GSG1L: variants seen among roughly 807,000 people sequenced by gnomAD.
GSG1L encodes the protein GSG1 like.
Under a neutral mutation model 42.1 loss-of-function variants are expected in GSG1L, and 24 were observed. The ratio of observed to expected loss-of-function variants is 0.57; its 90% CI spans 0.41 to 0.80. GSG1L has a LOEUF of 0.80. Ranked by LOEUF, GSG1L falls within the 30% of genes least tolerant of loss-of-function variation. GSG1L has a pLI of 0.00. For missense variants in GSG1L, 445 were observed against 472.2 expected, an observed-to-expected ratio of 0.94 and a Z score of 0.53; for synonymous variants, 215 against 203.5, an observed-to-expected ratio of 1.06 and a Z score of -0.48.
chr16:27,894,215 C>T (rs1216019478), intron 2 of GSG1L, among the ~76,000 whole-genome samples: 2 of 152,304 alleles, frequency 1.3e-5, no homozygotes, highest in South Asian at 2.1e-4. Context: ...AGCAGCCAGC[C>T]CATGGACTGT....
intron 2 of GSG1L, among the ~76,000 whole-genome samples, chr16:27,905,818 A>G (rs1174243548): frequency 1.3e-5 from 2 of 152,064 alleles, no homozygotes; most frequent in Non-Finnish European, 1.5e-5. Flanking sequence ...CTATCTTATT[A>G]CTAGACAGCA....
intron 5 of GSG1L, among the ~76,000 whole-genome samples, chr16:27,811,673 G>C (rs55754132): frequency 1.3e-5 from 2 of 152,318 alleles, no homozygotes; most frequent in East Asian, 3.9e-4. Context: ...TGTTGAGACG[G>C]AGTCTCGCTC....
intron 2 of GSG1L, among the ~76,000 whole-genome samples, chr16:27,898,577 C>A (rs564517762): frequency 2.6e-5 from 4 of 151,906 alleles, no homozygotes; most frequent in Non-Finnish European, 5.9e-5. Context: ...CTTTCTTCTC[C>A]TCTCTCTGTT....
chr16:27,818,417 C>T (rs1288804231), intron 5 of GSG1L, among the ~76,000 whole-genome samples: 1 of 152,092 alleles, frequency 6.6e-6, no homozygotes, highest in Non-Finnish European at 1.5e-5. Flanking sequence ...CGCGTGAAGG[C>T]TCTGAATCTC....
At chr16:28,013,565 C>T (rs561681485) in intron 1 of GSG1L, among the ~76,000 whole-genome samples, 7 of 152,340 alleles carry the variant, frequency 4.6e-5, no homozygotes, top group South Asian at 2.1e-4. Context: ...GGTGACTGTA[C>T]GTCCACACAT....
chr16:27,896,698 A>G (rs1714249003), intron 2 of GSG1L, among the ~76,000 whole-genome samples: 1 of 152,248 alleles, frequency 6.6e-6, no homozygotes, highest in Non-Finnish European at 1.5e-5. Context: ...CAGGAGGGTC[A>G]GAGACAGAGA....
chr16:27,873,199 A>G (rs187397884), intron 3 of GSG1L, among the ~76,000 whole-genome samples: 1 of 152,330 alleles, frequency 6.6e-6, no homozygotes, highest in African/African-American at 2.4e-5. Context: ...TCAAATTCCC[A>G]GAAGTTCTAA....
chr16:28,011,993 C>A (rs920963454), intron 1 of GSG1L, among the ~76,000 whole-genome samples: 1 of 152,192 alleles, frequency 6.6e-6, no homozygotes, highest in Admixed American at 6.5e-5. Context: ...AAACAGAACC[C>A]ACCAGATCAT....
intron 1 of GSG1L, among the ~76,000 whole-genome samples, chr16:28,007,478 GGT>G (rs1390939557): frequency 1.1e-4 from 9 of 84,542 alleles, no homozygotes; most frequent in Non-Finnish European, 1.8e-4. Flanking sequence ...ATGTGTGTGT[GGT>G]TGGTTGGTTG....
intron 1 of GSG1L, among the ~76,000 whole-genome samples, chr16:28,042,309 G>A (rs568953969): frequency 2.1e-4 from 32 of 152,032 alleles, no homozygotes; most frequent in Admixed American, 1.6e-3. Flanking sequence ...GGTGGTGCAC[G>A]CCTATAATCC....
intron 5 of GSG1L, among the ~76,000 whole-genome samples, chr16:27,807,924 T>A (rs2082986145): frequency 6.6e-6 from 1 of 152,232 alleles, no homozygotes; most frequent in African/African-American, 2.4e-5. Context: ...GAATTATACA[T>A]TGAAAGGCAC....
chr16:28,019,264 A>T (rs2085812940), intron 1 of GSG1L, among the ~76,000 whole-genome samples: 4 of 152,198 alleles, frequency 2.6e-5, no homozygotes. Context: ...GCCAAATCCC[A>T]CCAAAACCAA....
chr16:27,884,813 C>A lies in GSG1L; in HGVS notation c.398-175G>T, dbSNP rs1396678833. ...GCCGTCCCATCCTTGTCTGCAGGGG[C>A]CGGCTCAGGGACCGAAGCTTAAGTC... On this transcript the variant is annotated intron_variant, in intron 2 of 6. Transcript: ENST00000447459. The surrounding 1 kb of genome is among the most constrained non-coding windows in gnomAD (Gnocchi z 4.4). 6.6e-6 allele frequency among the ~76,000 whole-genome samples: 1 copy of A among 152,168 alleles called. No individual in the cohort carries two copies. The highest frequency in any genetic ancestry group is 1.5e-5 in the Non-Finnish European group (1 of 68,038).
chr16:27,942,976 C>T (rs1325192268), intron 2 of GSG1L, among the ~76,000 whole-genome samples: 2 of 152,156 alleles, frequency 1.3e-5, no homozygotes, highest in Admixed American at 6.5e-5. Flanking sequence ...TTATGGAACA[C>T]GAATTGCAGG....
chr16:27,973,484 A>G (rs1372561570), intron 1 of GSG1L, among the ~76,000 whole-genome samples: 1 of 138,576 alleles, frequency 7.2e-6, no homozygotes, highest in Admixed American at 7.6e-5. Flanking sequence ...TGTGCTTAGG[A>G]GATGGCTTTC....
rs146212260 is a variant in GSG1L at position 27,791,426 on chromosome 16, C to T, written c.940G>A (p.Ala314Thr). The T allele has an allele frequency of 5.2e-6, 8 of 1,524,386 alleles. No homozygotes were observed. The highest frequency in any genetic ancestry group is 3.8e-5 in the South Asian group (3 of 78,882). 94.4% of individuals were successfully genotyped at this position (1,524,386 alleles called of 1,614,324 possible). Residue 314 changes from alanine (A) to threonine (T), a missense_variant, in exon 7 of 7, where the codon GCA (alanine) becomes ACA (threonine). Ala to Thr is a moderately conservative substitution (Grantham distance 58). Coordinates refer to ENST00000447459, the MANE Select transcript of GSG1L (RefSeq NM_001109763.2). ...HMADSWPRSSAQEAPELNRQC... is the reference protein window; with the variant it reads ...HMADSWPRSSTQEAPELNRQC... ...CGGTTCAGCTCTGGTGCTTCCTGTG[C>T]GGAGCTCCGGGGCCAGGAATCCGCC... is the stretch of plus-strand genomic sequence containing the variant.
intron 2 of GSG1L, among the ~76,000 whole-genome samples, chr16:27,926,946 G>C (rs118190553): frequency 5.3e-5 from 8 of 152,096 alleles, no homozygotes; most frequent in African/African-American, 1.9e-4. Context: ...ACTGAGGCTC[G>C]GAGGGTTTAG....
chr16:27,835,596 T>C (rs1382698956), intron 4 of GSG1L, among the ~76,000 whole-genome samples: 1 of 152,190 alleles, frequency 6.6e-6, no homozygotes, highest in South Asian at 2.1e-4. Flanking sequence ...TTTTTTCTTG[T>C]GTTCCCTTGG....
At chr16:28,056,458 G>A (rs865912935) in intron 1 of GSG1L, among the ~76,000 whole-genome samples, 3 of 124,056 alleles carry the variant, frequency 2.4e-5, no homozygotes, top group Non-Finnish European at 3.3e-5. Context: ...ACATCACACC[G>A]GGGCCTGCTG....
Sources: gnomAD v4.1 joint callset for allele counts (sites outside exome capture counted in the v4.1 genomes callset) on GRCh38, gnomAD v4.1.1 for gene constraint, Gnocchi (gnomAD v3.1) non-coding constraint, MANE v1.5 for transcripts, NCBI Gene and HGNC (gene_info 2026-07-23, HGNC 2026-07-21) for gene names.